The following SPRY4 variants were observed in gnomAD, a reference collection of about 807,000 sequenced individuals.
SPRY4 encodes protein sprouty homolog 4.
A neutral mutation model predicts 17.0 loss-of-function variants in SPRY4; 7 were observed. That is an observed-to-expected ratio of 0.41 (90% CI 0.23 to 0.77). The LOEUF is 0.77. SPRY4 is among the 30% of genes least tolerant of loss of function. SPRY4 has a pLI of 0.32. For synonymous variants in SPRY4, 183 were observed against 174.1 expected (o/e 1.05, Z -0.40); for missense variants, 435 against 419.9 (o/e 1.04, Z -0.31).
At chr5:142,317,019 G>A (rs1759175978) in intron 1 of SPRY4, 1 of 985,326 alleles carries the variant, frequency 1.0e-6, no homozygotes, top group South Asian at 4.7e-5. Flanking sequence ...TGAAACCATA[G>A]CATCACCTTT....
chr5:142,324,626 G>T (rs1416474310), intron 1 of SPRY4, among the ~76,000 whole-genome samples: 1 of 152,204 alleles, frequency 6.6e-6, no homozygotes, highest in South Asian at 2.1e-4. Context: ...GTCGGAAACG[G>T]CGGTGCCAGG....
rs142714597 is a variant in SPRY4, at chr5:142,312,725, T to A, written c.*1484A>T. On this transcript the variant is annotated 3_prime_UTR_variant, in exon 2 of 2. Transcript: ENST00000434127. ...GCTGGGGAGGAAGGACCAGATACAC[T>A]ACAGCTTTTGCATGCAACAAGTACC... 3.4e-3 allele frequency: 524 copies of A among 152,718 alleles called. 6 individuals carry two copies. The South Asian group carries it at 0.055, about 16-fold the overall frequency. 9.5% of individuals were successfully genotyped at this position (152,718 alleles called of 1,614,324 possible).
At chr5:142,319,694 C>T (rs200816826) in intron 1 of SPRY4, 48 of 1,593,042 alleles carry the variant, frequency 3.0e-5, no homozygotes, top group South Asian at 2.6e-4. Flanking sequence ...TGCTGCTTGG[C>T]GGGTCTGGGA....
At position 142,314,011 on chromosome 5, in the gene SPRY4, A is replaced by G. The variant is rs1441311934; in HGVS notation, c.*198T>C. On this transcript the variant is annotated 3_prime_UTR_variant, in exon 2 of 2. Transcript: ENST00000434127. This position sits in a 1 kb window ranked among gnomAD's most constrained non-coding sequence, Gnocchi z 4.8. ...TTTCAGGACCCTGAAAAAAAGCCCCAAAGTGCTTCTTCATCACCTTGGGGA... is the reference window on the plus strand; with the variant it reads ...TTTCAGGACCCTGAAAAAAAGCCCCGAAGTGCTTCTTCATCACCTTGGGGA... 3.2e-6 allele frequency: 2 copies of G among 615,700 alleles called. No individual in the cohort carries two copies. Among genetic ancestry groups the G allele is most frequent in the East Asian group, 2.8e-5 (1 of 36,060 alleles). The allele number at this position is 615,700 out of a possible 1,614,324, so 38.1% of individuals were successfully genotyped here. A position where few individuals can be genotyped will look rare whatever the true frequency, so the allele number is the denominator to read the frequency against.
chr5:142,313,781 G>A lies in SPRY4; in HGVS notation c.*428C>T, dbSNP rs1249641552. 6.1e-6 allele frequency: 1 copy of A among 162,884 alleles called. No homozygotes were observed. Among genetic ancestry groups the A allele is most frequent in the Non-Finnish European group, 1.2e-5 (1 of 81,058 alleles). The allele number at this position is 162,884 out of a possible 1,614,324, so 10.1% of individuals were successfully genotyped here. A position where few individuals can be genotyped will look rare whatever the true frequency, so the allele number is the denominator to read the frequency against. ...GGTACTCAGTTAACAATTCCTCCCAGGCAGCTAGCTCCTGTGAGAGCCAAA... is the reference window on the plus strand; with the variant it reads ...GGTACTCAGTTAACAATTCCTCCCAAGCAGCTAGCTCCTGTGAGAGCCAAA... On this transcript the variant is annotated 3_prime_UTR_variant, in exon 2 of 2. Coordinates refer to ENST00000434127, the MANE Select transcript of SPRY4 (RefSeq NM_001127496.3).
rs536321613 is a variant in SPRY4, at chr5:142,320,548, T to G, written c.-48+4296A>C. 2.0e-5 allele frequency among the ~76,000 whole-genome samples: 3 copies of G among 152,316 alleles called. No individual in the cohort carries two copies. The East Asian group carries it at 5.8e-4, about 29-fold the overall frequency. On this transcript the variant is annotated intron_variant, in intron 1 of 1. Coordinates refer to ENST00000434127, the MANE Select transcript of SPRY4 (RefSeq NM_001127496.3). ...TTGCTGGACTTTGGGCTTTGGGCTA[T>G]TTAATCAGCTTCGAGTTTCTGCTTC...
At position 142,311,935 on chromosome 5, in the gene SPRY4, G is replaced by GGTGTGTGTGTGTGTGTGTGTGTGTGTGT. The variant is rs57372594; in HGVS notation, c.*2273_*2274insACACACACACACACACACACACACACAC. The GGTGTGTGTGTGTGTGTGTGTGTGTGTGT allele has an allele frequency of 1.0e-4, 14 of 140,486 alleles. No homozygotes were observed. The highest frequency in any genetic ancestry group is 4.7e-4 in the South Asian group (2 of 4,236). 8.7% of individuals were successfully genotyped at this position (140,486 alleles called of 1,614,324 possible). A position where few individuals can be genotyped will look rare whatever the true frequency, so the allele number is the denominator to read the frequency against. On this transcript the variant is annotated 3_prime_UTR_variant, in exon 2 of 2. Coordinates refer to ENST00000434127, the MANE Select transcript of SPRY4 (RefSeq NM_001127496.3). ...CGGTAGACAGTCAGTGTGGGGTAGG[G>GGTGTGTGTGTGTGTGTGTGTGTGTGTGT]GTGTGTGTGTGTGTGTGTGTGTGTG...
intron 1 of SPRY4, among the ~76,000 whole-genome samples, chr5:142,320,880 A>C (rs1759323392): frequency 6.6e-6 from 1 of 152,102 alleles, no homozygotes; most frequent in African/African-American, 2.4e-5. Context: ...CCAAAAAAAG[A>C]CTACTGACAA....
In SPRY4 at chr5:142,314,441, G is replaced by A. The variant is rs1253358986; in HGVS notation, c.668C>T (p.Pro223Leu). 6.2e-7 allele frequency: 1 copy of A among 1,614,004 alleles called. No individual in the cohort carries two copies. Among genetic ancestry groups the A allele is most frequent in the Non-Finnish European group, 8.5e-7 (1 of 1,180,008 alleles). The change falls in exon 2 of 2, where the codon CCC becomes CTC. Residue 223 changes from proline (P) to leucine (L), a missense_variant. By Grantham distance (98) the Pro-to-Leu change is moderately conservative. Transcript: ENST00000434127. The surrounding 1 kb of genome is among the most constrained non-coding windows in gnomAD (Gnocchi z 4.8). ...EDDEGSCADH[P>L]CSCSRSNCCA... ...GCAGTTGGAGCGGGAGCAGGAGCAG[G>A]GGTGGTCAGCGCAGGAGCCCTCATC...
Position 142,314,960 on chromosome 5 carries a change from T to C in SPRY4, c.149A>G (p.Asn50Ser). ...CAGGCTAGGGTTGTCTATGTAGTCATTCTCCACATGGCTGGTCTTCACCTG... is the reference window on the plus strand; with the variant it reads ...CAGGCTAGGGTTGTCTATGTAGTCACTCTCCACATGGCTGGTCTTCACCTG... ...IDQVKTSHVE[N>S]DYIDNPSLAL... Residue 50 changes from asparagine (N) to serine (S), a missense_variant, in exon 2 of 2, where the codon AAT becomes AGT. Asn to Ser is a conservative substitution (Grantham distance 46). Coordinates refer to ENST00000434127, the MANE Select transcript of SPRY4 (RefSeq NM_001127496.3). This position sits in a 1 kb window ranked among gnomAD's most constrained non-coding sequence, Gnocchi z 4.8. 1 of 1,614,108 alleles carries C rather than the reference T, an allele frequency of 6.2e-7. No homozygotes were observed. Among genetic ancestry groups the C allele is most frequent in the Non-Finnish European group, 8.5e-7 (1 of 1,180,032 alleles).
At position 142,314,515 on chromosome 5, in the gene SPRY4, C is replaced by T. The variant is rs145835763; in HGVS notation, c.594G>A (p.Thr198=). 159 of 1,614,244 alleles carry T rather than the reference C, an allele frequency of 9.8e-5. 1 individual carries two copies. In the Admixed American group the frequency reaches 1.1e-3, roughly 11 times the overall value. ...AGATGCCCTGCACCAAACACATGCACGTGCCATAGTTGACCAGAGTCTGGG... is the reference window on the plus strand; with the variant it reads ...AGATGCCCTGCACCAAACACATGCATGTGCCATAGTTGACCAGAGTCTGGG... ...CSAQTLVNYG[T]CMCLVQGIFY... Residue 198 remains threonine, a synonymous_variant, in exon 2 of 2, where the codon ACG becomes ACA. Coordinates refer to ENST00000434127, the MANE Select transcript of SPRY4 (RefSeq NM_001127496.3). The surrounding 1 kb of genome is among the most constrained non-coding windows in gnomAD (Gnocchi z 4.8).
At chr5:142,323,040 T>TAAAA (rs397882276) in intron 1 of SPRY4, among the ~76,000 whole-genome samples, 1 of 119,502 alleles carries the variant, frequency 8.4e-6, no homozygotes, top group East Asian at 2.2e-4. Context: ...ACACCCGCCC[T>TAAAA]AAAAAAAAAA....
chr5:142,318,363 G>A (rs961317841), intron 1 of SPRY4, among the ~76,000 whole-genome samples: 36 of 151,926 alleles, frequency 2.4e-4, no homozygotes, highest in Admixed American at 1.1e-3. Context: ...GCAGGTGCCT[G>A]TAATCCCAGT....
chr5:142,319,685 G>A, intron 1 of SPRY4: 1 of 1,590,184 alleles, frequency 6.3e-7, no homozygotes, highest in South Asian at 1.1e-5. Context: ...CACTGTATTT[G>A]CTGCTTGGCG....
Position 142,317,874 on chromosome 5 carries a change from G to A in SPRY4, c.-47-2719C>T, listed in dbSNP as rs1001438706. On this transcript the variant is annotated intron_variant, in intron 1 of 1. Transcript: ENST00000434127. ...ACATCTGGGCCTGCAGTTGAGGCCA[G>A]ACATGGGGATGGGAGCTTGGCCCAC... The A allele has an allele frequency of 3.8e-5, 37 of 985,418 alleles. No individual in the cohort carries two copies. The East Asian group carries it at 1.6e-3, about 42-fold the overall frequency. The allele number at this position is 985,418 out of a possible 1,614,324, so 61.0% of individuals were successfully genotyped here. A position where few individuals can be genotyped will look rare whatever the true frequency, so the allele number is the denominator to read the frequency against.
At chr5:142,319,253 A>C (rs1759264067) in intron 1 of SPRY4, among the ~76,000 whole-genome samples, 3 of 152,204 alleles carry the variant, frequency 2.0e-5, no homozygotes, top group African/African-American at 7.2e-5. Flanking sequence ...CAGGGAAGGA[A>C]AGCCAGATGG....
chr5:142,320,675 C>A (rs772104290), intron 1 of SPRY4, among the ~76,000 whole-genome samples: 10 of 152,202 alleles, frequency 6.6e-5, no homozygotes, highest in Non-Finnish European at 1.2e-4. Context: ...TAACCACTGG[C>A]ATAGTTTGGG....
rs146603496 is a variant in SPRY4, at chr5:142,315,097, C to T, written c.12G>A (p.Pro4=). 9.0e-5 allele frequency: 144 copies of T among 1,594,322 alleles called. No homozygotes were observed. Among genetic ancestry groups the T allele is most frequent in the Admixed American group, 8.6e-4 (51 of 59,052 alleles). ...GAGTCAAGGGGGCGCTCTGTGGGATCGGGGGCTCCATGGGGCTGGAGGTCC... is the reference window on the plus strand; with the variant it reads ...GAGTCAAGGGGGCGCTCTGTGGGATTGGGGGCTCCATGGGGCTGGAGGTCC... MEP[P]IPQSAPLTPN... The change falls in exon 2 of 2, where the codon CCG becomes CCA. Residue 4 remains proline, a synonymous_variant. Transcript: ENST00000434127.
chr5:142,315,230 C>T (rs1395773751), intron 1 of SPRY4, 75 bp from the exon 2 acceptor site: 5 of 964,104 alleles, frequency 5.2e-6, no homozygotes, highest in Admixed American at 2.8e-5. Context: ...TACCTCACCC[C>T]CCATCAGGTC....
Sources: gnomAD v4.1 joint callset for allele counts (sites outside exome capture counted in the v4.1 genomes callset) on GRCh38, gnomAD v4.1.1 for gene constraint, Gnocchi (gnomAD v3.1) non-coding constraint, MANE v1.5 for transcripts, NCBI Gene and HGNC (gene_info 2026-07-23, HGNC 2026-07-21) for gene names.